ME1: variants seen among roughly 807,000 people sequenced by gnomAD.
ME1 encodes malic enzyme 1, also known as NADP-dependent malic enzyme.
A neutral mutation model predicts 66.4 loss-of-function variants in ME1; 74 were observed. That is an observed-to-expected ratio of 1.11 (90% CI 0.92 to 1.35). The LOEUF (loss-of-function observed/expected upper bound fraction) is 1.35. ME1 is among the 40% of genes most tolerant of loss of function. The pLI is 0.00. For synonymous variants in ME1, 251 were observed against 235.6 expected, an observed-to-expected ratio of 1.07 and a Z score of -0.60; for missense variants, 750 against 694.1, an observed-to-expected ratio of 1.08 and a Z score of -0.90.
At chr6:83,416,758 T>G (rs1466026774) in intron 1 of ME1, among the ~76,000 whole-genome samples, 1 of 151,900 alleles carries the variant, frequency 6.6e-6, no homozygotes, top group African/African-American at 2.4e-5. Flanking sequence ...TAGCTGGGTG[T>G]GGTGGCATGC....
At chr6:83,367,444 C>A (rs1045702316) in intron 3 of ME1, among the ~76,000 whole-genome samples, 1 of 152,208 alleles carries the variant, frequency 6.6e-6, no homozygotes, top group Non-Finnish European at 1.5e-5. Context: ...AGTCCTATGG[C>A]ATCTTCTTCC....
At chr6:83,400,543 T>A (rs374025202) in intron 2 of ME1, among the ~76,000 whole-genome samples, 1 of 152,226 alleles carries the variant, frequency 6.6e-6, no homozygotes, top group Non-Finnish European at 1.5e-5. Context: ...GAATAAATTG[T>A]GTTGGCTTTA....
chr6:83,243,721 GTATT>G (rs1790556438), intron 7 of ME1, among the ~76,000 whole-genome samples: 1 of 124,800 alleles, frequency 8.0e-6, no homozygotes, highest in South Asian at 2.3e-4. Flanking sequence ...AAATAATTGT[GTATT>G]TATATAATAT....
chr6:83,349,730 T>C (rs1482329137), intron 4 of ME1, among the ~76,000 whole-genome samples: 1 of 152,210 alleles, frequency 6.6e-6, no homozygotes, highest in Non-Finnish European at 1.5e-5. Context: ...AATATGACAT[T>C]CTATTTTTTC....
At chr6:83,392,608 G>A (rs1259143544) in intron 3 of ME1, 4 of 573,054 alleles carry the variant, frequency 7.0e-6, no homozygotes, top group East Asian at 4.5e-5. Flanking sequence ...GGCTGAGAAC[G>A]GGAAGCTTGT....
At chr6:83,345,347 T>C (rs1436709910) in intron 5 of ME1, among the ~76,000 whole-genome samples, 2 of 152,262 alleles carry the variant, frequency 1.3e-5, no homozygotes, top group Admixed American at 1.3e-4. Context: ...TAGATCAAGT[T>C]AAACATTGTA....
At chr6:83,213,895 C>G (rs1371010141) in intron 13 of ME1, among the ~76,000 whole-genome samples, 3 of 151,802 alleles carry the variant, frequency 2.0e-5, no homozygotes, top group African/African-American at 7.3e-5. Flanking sequence ...ACGAAAGACT[C>G]AAAACAAACA....
At chr6:83,322,718 T>A (rs941277274) in intron 5 of ME1, among the ~76,000 whole-genome samples, 2 of 152,196 alleles carry the variant, frequency 1.3e-5, no homozygotes, top group South Asian at 4.1e-4. Context: ...TGGAACCAAG[T>A]TGGAAAACAC....
At chr6:83,262,751 A>G (rs2128529792) in intron 6 of ME1, among the ~76,000 whole-genome samples, 1 of 152,338 alleles carries the variant, frequency 6.6e-6, no homozygotes, top group African/African-American at 2.4e-5. Context: ...AATATATGGT[A>G]GTGAGTGTTG....
intron 3 of ME1, among the ~76,000 whole-genome samples, chr6:83,353,163 T>C (rs1263058871): frequency 6.6e-6 from 1 of 152,212 alleles, no homozygotes. Context: ...TCTTCTGTAT[T>C]CTTGGAAAAT....
At chr6:83,256,516 G>C (rs1261507907) in intron 6 of ME1, among the ~76,000 whole-genome samples, 3 of 152,150 alleles carry the variant, frequency 2.0e-5, no homozygotes, top group African/African-American at 7.2e-5. Flanking sequence ...AGTTAGAATG[G>C]TGATCATTAA....
chr6:83,260,236 CA>C (rs1051596425), intron 6 of ME1, among the ~76,000 whole-genome samples: 1 of 149,334 alleles, frequency 6.7e-6, no homozygotes, highest in Admixed American at 6.7e-5. Flanking sequence ...GTCTGCTTTT[CA>C]AAAAAAATAG....
chr6:83,368,974 A>G (rs1769147069), intron 3 of ME1, among the ~76,000 whole-genome samples: 1 of 152,174 alleles, frequency 6.6e-6, no homozygotes, highest in South Asian at 2.1e-4. Flanking sequence ...GAACTGCAGG[A>G]AAGTTGAATG....
chr6:83,239,754 T>C (rs1323722886), intron 7 of ME1, 118 bp from the exon 8 acceptor site: 2 of 672,746 alleles, frequency 3.0e-6, no homozygotes, highest in Non-Finnish European at 5.2e-6. Context: ...AAGAGAAACC[T>C]GTGGTTGTCT....
intron 3 of ME1, among the ~76,000 whole-genome samples, chr6:83,357,933 CTCTATATATATATATATATATA>C (rs1354503950): frequency 6.4e-4 from 29 of 44,968 alleles, no homozygotes; most frequent in African/African-American, 1.8e-3. Flanking sequence ...CTCTCTCTCT[CTCTATATATATATATATATATA>C]TATATATATA....
chr6:83,272,850 TTC>T (rs753309329), intron 6 of ME1, among the ~76,000 whole-genome samples: 2 of 152,172 alleles, frequency 1.3e-5, no homozygotes, highest in Non-Finnish European at 1.5e-5. Context: ...TGTAAACTAA[TTC>T]TCTAAAAGCA....
chr6:83,253,484 T>G, intron 7 of ME1, 145 bp downstream of exon 7: 284 of 484,726 alleles, frequency 5.9e-4, no homozygotes, highest in Middle Eastern at 1.1e-3. Flanking sequence ...TGCAACTAGA[T>G]GAGAAATAGT....
At chr6:83,288,182 G>C (rs1406932467) in intron 6 of ME1, among the ~76,000 whole-genome samples, 1 of 151,746 alleles carries the variant, frequency 6.6e-6, no homozygotes, top group African/African-American at 2.4e-5. Context: ...GTCAATTTTG[G>C]CTTTTGTTAC....
At chr6:83,248,343 C>G (rs1790660212) in intron 7 of ME1, among the ~76,000 whole-genome samples, 1 of 152,142 alleles carries the variant, frequency 6.6e-6, no homozygotes, top group Non-Finnish European at 1.5e-5. Flanking sequence ...TTTTGTTCAA[C>G]AGTTTACTGG....
Sources: gnomAD v4.1 joint callset for allele counts (sites outside exome capture counted in the v4.1 genomes callset) on GRCh38, gnomAD v4.1.1 for gene constraint, MANE v1.5 for transcripts, NCBI Gene and HGNC (gene_info 2026-07-23, HGNC 2026-07-21) for gene names.